The following KIAA1328 variants were observed in gnomAD, a reference collection of about 807,000 sequenced individuals.
The protein encoded by KIAA1328 is KIAA1328.
Under a neutral mutation model 68.1 loss-of-function variants are expected in KIAA1328, and 52 were observed. The ratio of observed to expected loss-of-function variants is 0.76; its 90% CI spans 0.61 to 0.96. The LOEUF is 0.96. Among genes scored for constraint, KIAA1328 ranks in the 40% least tolerant of loss-of-function variants. The probability of loss-of-function intolerance (pLI) is 0.00; values close to 1 mark genes in which losing one functional copy is unlikely to be tolerated. For synonymous variants in KIAA1328, 232 were observed against 239.4 expected (o/e 0.97, Z 0.28); for missense variants, 641 against 677.6 (o/e 0.95, Z 0.60).
chr18:36,861,327 C>CT (rs1301526783), intron 4 of KIAA1328, among the ~76,000 whole-genome samples: 1 of 151,998 alleles, frequency 6.6e-6, no homozygotes. Flanking sequence ...GGTGGTTTAA[C>CT]TTTTGTCAGT....
intron 6 of KIAA1328, among the ~76,000 whole-genome samples, chr18:37,032,006 A>G (rs1321663035): frequency 6.6e-6 from 1 of 152,024 alleles, no homozygotes; most frequent in Non-Finnish European, 1.5e-5. Flanking sequence ...ATCTCTACAA[A>G]GAAAGAAACA....
At chr18:37,012,927 A>T (rs1477513383) in intron 6 of KIAA1328, among the ~76,000 whole-genome samples, 1 of 152,076 alleles carries the variant, frequency 6.6e-6, no homozygotes, top group Non-Finnish European at 1.5e-5. Flanking sequence ...TTGGGACAGC[A>T]TGGGGGTTTA....
chr18:36,906,624 A>G (rs997937680), intron 5 of KIAA1328, among the ~76,000 whole-genome samples: 5 of 152,038 alleles, frequency 3.3e-5, no homozygotes, highest in Non-Finnish European at 7.4e-5. Flanking sequence ...ACATTAGTAG[A>G]TATATATATT....
chr18:37,048,466 A>T (rs948899642), intron 6 of KIAA1328, among the ~76,000 whole-genome samples: 1 of 152,104 alleles, frequency 6.6e-6, no homozygotes, highest in Non-Finnish European at 1.5e-5. Flanking sequence ...TTATTCAAGT[A>T]TTATGTCTTA....
At chr18:37,019,383 G>T (rs1480174702) in intron 6 of KIAA1328, among the ~76,000 whole-genome samples, 2 of 152,214 alleles carry the variant, frequency 1.3e-5, no homozygotes, top group Non-Finnish European at 2.9e-5. Context: ...GTTCTCTGTT[G>T]CCTTAGGCAA....
At chr18:36,911,872 CAGAA>C (rs140457865) in intron 5 of KIAA1328, among the ~76,000 whole-genome samples, 112 of 152,174 alleles carry the variant, frequency 7.4e-4, no homozygotes, top group African/African-American at 2.2e-3. Flanking sequence ...CATAAGCAGT[CAGAA>C]AGAGCTCCTT....
intron 5 of KIAA1328, among the ~76,000 whole-genome samples, chr18:36,929,604 A>C (rs1373040891): frequency 6.6e-6 from 1 of 152,044 alleles, no homozygotes; most frequent in Non-Finnish European, 1.5e-5. Context: ...ATATTTTGGA[A>C]TCTTATCCCC....
intron 6 of KIAA1328, among the ~76,000 whole-genome samples, chr18:37,034,611 A>G (rs2151596313): frequency 6.6e-6 from 1 of 152,334 alleles, no homozygotes; most frequent in South Asian, 2.1e-4. Flanking sequence ...TTCACCCAGT[A>G]GAAGGTGCTT....
chr18:36,893,850 T>C (rs959748323), intron 5 of KIAA1328, among the ~76,000 whole-genome samples: 9 of 152,108 alleles, frequency 5.9e-5, no homozygotes, highest in African/African-American at 2.2e-4. Context: ...CACTTAGATA[T>C]ATCTCAAGGA....
intron 7 of KIAA1328, among the ~76,000 whole-genome samples, chr18:37,102,961 C>G (rs529622397): frequency 1.3e-5 from 2 of 151,902 alleles, no homozygotes; most frequent in Non-Finnish European, 2.9e-5. Context: ...AATAAAATAC[C>G]CAGATATAAA....
At chr18:37,228,510 C>A (rs535610478), downstream of KIAA1328, among the ~76,000 whole-genome samples, 1,040 of 152,180 alleles carry the variant, frequency 6.8e-3, 5 homozygotes, top group Middle Eastern at 0.014. Flanking sequence ...GCAAGACCCT[C>A]AGTGAGCAAA....
chr18:37,127,779 A>AT (rs1321085776), intron 7 of KIAA1328, among the ~76,000 whole-genome samples: 3 of 152,238 alleles, frequency 2.0e-5, no homozygotes, highest in South Asian at 2.1e-4. Context: ...ACCCAAAATA[A>AT]TTTTTTTATA....
At chr18:37,213,235 G>C (rs1259693376) in intron 9 of KIAA1328, among the ~76,000 whole-genome samples, 1 of 152,152 alleles carries the variant, frequency 6.6e-6, no homozygotes, top group African/African-American at 2.4e-5. Context: ...TGCTGTGTTT[G>C]TTTGCTGCAC....
chr18:37,166,455 A>C (rs528724018), intron 8 of KIAA1328, among the ~76,000 whole-genome samples: 326 of 152,262 alleles, frequency 2.1e-3, no homozygotes, highest in Non-Finnish European at 3.7e-3. Flanking sequence ...TTTTAAGCTC[A>C]TCAGCTATCA....
intron 5 of KIAA1328, among the ~76,000 whole-genome samples, chr18:36,941,032 C>T (rs905550609): frequency 4.6e-5 from 7 of 152,016 alleles, no homozygotes; most frequent in African/African-American, 1.7e-4. Flanking sequence ...GATAAGTGAA[C>T]GCGAAATAAG....
chr18:36,987,407 G>C (rs2052976259), intron 6 of KIAA1328, among the ~76,000 whole-genome samples: 1 of 146,862 alleles, frequency 6.8e-6, no homozygotes, highest in Non-Finnish European at 1.5e-5. Context: ...AGTGGGTGCA[G>C]CGCACCAGCA....
At chr18:37,041,541 T>A (rs946540902) in intron 6 of KIAA1328, among the ~76,000 whole-genome samples, 1 of 152,062 alleles carries the variant, frequency 6.6e-6, no homozygotes, top group Non-Finnish European at 1.5e-5. Context: ...AATGTAATTG[T>A]GATATGGTTG....
intron 7 of KIAA1328, among the ~76,000 whole-genome samples, chr18:37,148,887 G>C (rs939912858): frequency 3.3e-5 from 5 of 152,102 alleles, no homozygotes; most frequent in African/African-American, 1.2e-4. Context: ...CAGATGGATA[G>C]ATTGCAAAAA....
Position 37,222,272 on chromosome 18 carries a change from A to G in KIAA1328, c.*45A>G, listed in dbSNP as rs2060579234. ...AGGAAATTTGTGGGTTTCCTCACATACTGATCTAGGATTTTAAATTATTTC... is the reference window on the plus strand; with the variant it reads ...AGGAAATTTGTGGGTTTCCTCACATGCTGATCTAGGATTTTAAATTATTTC... On this transcript the variant is annotated 3_prime_UTR_variant, in exon 10 of 10. Transcript: ENST00000280020. 3 of 1,548,390 alleles carry G rather than the reference A, an allele frequency of 1.9e-6. No individual in the cohort carries two copies. Among genetic ancestry groups the G allele is most frequent in the Admixed American group, 2.0e-5 (1 of 50,670 alleles).
Sources: gnomAD v4.1 joint callset for allele counts (sites outside exome capture counted in the v4.1 genomes callset) on GRCh38, gnomAD v4.1.1 for gene constraint, MANE v1.5 for transcripts, NCBI Gene and HGNC (gene_info 2026-07-23, HGNC 2026-07-21) for gene names.